The following NUDT7 variants were observed in gnomAD, a reference collection of about 807,000 sequenced individuals.
The protein encoded by NUDT7 is nudix hydrolase 7.
Under a neutral mutation model 13.1 loss-of-function variants are expected in NUDT7, and 19 were observed. The ratio of observed to expected loss-of-function variants is 1.45; its 90% CI spans 1.01 to 2.13. The LOEUF (loss-of-function observed/expected upper bound fraction) is 2.13. NUDT7 is among the 30% of genes most tolerant of loss of function. NUDT7 has a pLI of 0.00. For synonymous variants in NUDT7, 132 were observed against 109.7 expected, an observed-to-expected ratio of 1.20 and a Z score of -1.27; for missense variants, 360 against 291.7, an observed-to-expected ratio of 1.23 and a Z score of -1.71.
rs183955803 is a variant in NUDT7 at position 77,727,812 on chromosome 16, G to A, written c.189+2228G>A. 1.3e-3 allele frequency among the ~76,000 whole-genome samples: 202 copies of A among 152,180 alleles called. 1 individual carries two copies. The highest frequency in any genetic ancestry group is 4.6e-3 in the African/African-American group (189 of 41,526). Reference sequence around the variant, plus strand: ...GTGGAGGTTGCATTGAGCCGAGATCGTGCCACTGCACTCCAGCCTGGGCAA... The same window carrying A: ...GTGGAGGTTGCATTGAGCCGAGATCATGCCACTGCACTCCAGCCTGGGCAA... On this transcript the variant is annotated intron_variant, in intron 2 of 3. Coordinates refer to ENST00000268533, the MANE Select transcript of NUDT7 (RefSeq NM_001105663.3).
intron 1 of NUDT7, among the ~76,000 whole-genome samples, chr16:77,724,435 C>CT (rs11421866): frequency 0.26 from 38,136 of 144,840 alleles, 6,261 homozygotes; most frequent in African/African-American, 0.49. Context: ...CTAATTTATG[C>CT]TTTTTTTTTT....
intron 2 of NUDT7, among the ~76,000 whole-genome samples, chr16:77,727,119 C>A (rs2014162946): frequency 6.6e-6 from 1 of 152,044 alleles, no homozygotes; most frequent in Non-Finnish European, 1.5e-5. Context: ...CCAACCAGAC[C>A]CCACCTCCAA....
intron 3 of NUDT7, among the ~76,000 whole-genome samples, chr16:77,736,405 C>T (rs185916040): frequency 3.3e-4 from 50 of 152,182 alleles, no homozygotes; most frequent in Admixed American, 1.7e-3. Context: ...TTACTTCTGC[C>T]GTAAGGATAT....
At chr16:77,729,723 G>A (rs2014252799) in intron 2 of NUDT7, among the ~76,000 whole-genome samples, 1 of 152,118 alleles carries the variant, frequency 6.6e-6, no homozygotes. Flanking sequence ...TACTCGCGAG[G>A]CTGAGGCAGG....
At chr16:77,731,625 C>A (rs946571882) in intron 2 of NUDT7, among the ~76,000 whole-genome samples, 4 of 152,150 alleles carry the variant, frequency 2.6e-5, no homozygotes, top group African/African-American at 9.7e-5. Context: ...TTAGAGTGTT[C>A]TTCTTCTACT....
rs9939425 is a variant in NUDT7 at position 77,723,991 on chromosome 16, C to T, written c.35+1374C>T. Among the ~76,000 whole-genome samples, 409 of 152,240 alleles carry T rather than the reference C, an allele frequency of 2.7e-3. 2 individuals are homozygous for T. The highest frequency in any genetic ancestry group is 9.4e-3 in the African/African-American group (391 of 41,532). On this transcript the variant is annotated intron_variant, in intron 1 of 3. Transcript: ENST00000268533. ...ACAGAAAAAGTAAAATCAGCTGTTC[C>T]TTTTCTAGGGCTGCCATAACAGAGT...
intron 1 of NUDT7, 38 bp downstream of exon 1, chr16:77,722,655 CA>C: frequency 6.4e-7 from 1 of 1,567,438 alleles, no homozygotes; most frequent in African/African-American, 1.4e-5. Flanking sequence ...CGAGCTTGGT[CA>C]GGCCCGGCCT....
intron 2 of NUDT7, among the ~76,000 whole-genome samples, chr16:77,730,190 A>G (rs2014274442): frequency 6.6e-6 from 1 of 152,188 alleles, no homozygotes; most frequent in Non-Finnish European, 1.5e-5. Context: ...TATGTTAACT[A>G]TAGTTACCAT....
At chr16:77,730,021 A>G (rs903326778) in intron 2 of NUDT7, among the ~76,000 whole-genome samples, 1 of 152,108 alleles carries the variant, frequency 6.6e-6, no homozygotes, top group African/African-American at 2.4e-5. Context: ...ACTACCTCAT[A>G]TGGTAACATA....
chr16:77,722,984 C>G (rs1426779983), intron 1 of NUDT7, among the ~76,000 whole-genome samples: 1 of 152,134 alleles, frequency 6.6e-6, no homozygotes, highest in Non-Finnish European at 1.5e-5. Flanking sequence ...TCAGTTGTGA[C>G]CTTGGGTCTG....
rs772627886 is a variant in NUDT7 at position 77,722,541 on chromosome 16, A to G, written c.-42A>G. 2.1e-5 allele frequency: 33 copies of G among 1,554,708 alleles called. No individual in the cohort carries two copies. The highest frequency in any genetic ancestry group is 1.7e-4 in the Middle Eastern group (1 of 5,752). On this transcript the variant is annotated 5_prime_UTR_variant, in exon 1 of 4. Transcript: ENST00000268533. ...TCTGCGCAAGCGCGACCGACCGAGCAGCTCCGAGGAGTCCGCCCGGAAACA... is the reference window on the plus strand; with the variant it reads ...TCTGCGCAAGCGCGACCGACCGAGCGGCTCCGAGGAGTCCGCCCGGAAACA...
chr16:77,735,394 C>G (rs931896469), intron 2 of NUDT7: 1 of 576,316 alleles, frequency 1.7e-6, no homozygotes, highest in African/African-American at 1.8e-5. Flanking sequence ...CCCGCTCCAG[C>G]CATGTGAAGT....
At chr16:77,734,398 C>G (rs994427442) in intron 2 of NUDT7, among the ~76,000 whole-genome samples, 1 of 152,086 alleles carries the variant, frequency 6.6e-6, no homozygotes, top group African/African-American at 2.4e-5. Flanking sequence ...CCGAGGAGGG[C>G]AGATCACGAG....
intron 1 of NUDT7, among the ~76,000 whole-genome samples, chr16:77,724,933 G>C (rs1402095306): frequency 2.6e-5 from 4 of 152,332 alleles, no homozygotes; most frequent in Admixed American, 1.3e-4. Flanking sequence ...CTGAGTCACA[G>C]TCTGGGACTG....
intron 2 of NUDT7, among the ~76,000 whole-genome samples, chr16:77,734,100 C>T (rs946230461): frequency 6.6e-6 from 1 of 152,002 alleles, no homozygotes; most frequent in Admixed American, 6.6e-5. Flanking sequence ...TTTCCTTTAC[C>T]AACACACGCA....
At chr16:77,737,258 C>T (rs753379802) in intron 3 of NUDT7, 4 of 152,164 alleles carry the variant, frequency 2.6e-5, no homozygotes, top group African/African-American at 9.7e-5. Flanking sequence ...GGTCATGTCT[C>T]CTTAGTCCTC....
chr16:77,728,173 G>A (rs2014199592), intron 2 of NUDT7, among the ~76,000 whole-genome samples: 2 of 152,084 alleles, frequency 1.3e-5, no homozygotes, highest in African/African-American at 4.8e-5. Context: ...GGAAAGCAAG[G>A]CAAGAAGTGG....
At position 77,726,220 on chromosome 16, in the gene NUDT7, G is replaced by A. The variant is rs140071447; in HGVS notation, c.189+636G>A. Among the ~76,000 whole-genome samples the A allele has an allele frequency of 3.3e-5, 5 of 152,344 alleles. No individual in the cohort carries two copies. The East Asian group carries it at 7.7e-4, about 23-fold the overall frequency. On this transcript the variant is annotated intron_variant, in intron 2 of 3. Coordinates refer to ENST00000268533, the MANE Select transcript of NUDT7 (RefSeq NM_001105663.3). ...TTTGGCCTCGTTACTTGCCCTCTCT[G>A]TACTTCAGTCTTTTCACTTGTAAAA...
intron 3 of NUDT7, among the ~76,000 whole-genome samples, chr16:77,736,474 C>T (rs778626577): frequency 1.3e-5 from 2 of 152,110 alleles, no homozygotes; most frequent in African/African-American, 2.4e-5. Flanking sequence ...TGAATAGAAC[C>T]GTGAAATCAC....
Sources: allele counts gnomAD v4.1 joint callset (sites outside exome capture counted in the v4.1 genomes callset), GRCh38; gene constraint gnomAD v4.1.1; transcripts MANE v1.5; gene names NCBI Gene and HGNC (gene_info 2026-07-23, HGNC 2026-07-21).